Variants in SNAP23 observed in about 807,000 individuals in gnomAD.
SNAP23 encodes synaptosomal-associated protein 23.
SNAP23 carries 11 observed loss-of-function variants against 29.0 expected under a neutral mutation model. The ratio of observed to expected loss-of-function variants is 0.38; its 90% CI spans 0.24 to 0.63. The LOEUF (loss-of-function observed/expected upper bound fraction) is 0.63. SNAP23 is among the 20% of genes least tolerant of loss of function. The pLI is 0.58. For synonymous variants in SNAP23, 60 were observed against 82.9 expected, an observed-to-expected ratio of 0.72 and a Z score of 1.50; for missense variants, 220 against 253.9, an observed-to-expected ratio of 0.87 and a Z score of 0.91.
intron 5 of SNAP23, among the ~76,000 whole-genome samples, chr15:42,517,044 C>T (rs1344716976): frequency 6.6e-6 from 1 of 152,170 alleles, no homozygotes; most frequent in Non-Finnish European, 1.5e-5. Flanking sequence ...CTCAGCCTCC[C>T]AAGTAGCTGG....
In SNAP23 at chr15:42,511,844, A is replaced by G. The variant is rs377114237; in HGVS notation, c.-3A>G. Reference sequence around the variant, plus strand: ...TCTGTGCCTAATAGAGTTTTGATTCATCATGGATAATCTGTCATCAGAAGA... The same window carrying G: ...TCTGTGCCTAATAGAGTTTTGATTCGTCATGGATAATCTGTCATCAGAAGA... On this transcript the variant is annotated 5_prime_UTR_variant, in exon 2 of 8. Coordinates refer to ENST00000249647, the MANE Select transcript of SNAP23 (RefSeq NM_003825.4). 1 of 1,583,838 alleles carries G rather than the reference A, an allele frequency of 6.3e-7. No homozygotes were observed. The highest frequency in any genetic ancestry group is 8.6e-7 in the Non-Finnish European group (1 of 1,162,282).
intron 6 of SNAP23, among the ~76,000 whole-genome samples, chr15:42,528,676 C>G (rs1445779423): frequency 6.6e-6 from 1 of 152,140 alleles, no homozygotes; most frequent in Non-Finnish European, 1.5e-5. Flanking sequence ...ACCTCTGCCT[C>G]CCAGGTTCAA....
At chr15:42,527,559 T>C (rs1595530841) in intron 5 of SNAP23, among the ~76,000 whole-genome samples, 1 of 151,964 alleles carries the variant, frequency 6.6e-6, no homozygotes. Flanking sequence ...CTAATGTTTG[T>C]ATTTTTTTAT....
intron 1 of SNAP23, among the ~76,000 whole-genome samples, chr15:42,497,302 A>G (rs552137886): frequency 1.2e-4 from 17 of 143,386 alleles, no homozygotes; most frequent in South Asian, 6.5e-4. Flanking sequence ...TCCGCCTCCC[A>G]GGGTCAAGCA....
At chr15:42,504,760 C>T (rs1412947311) in intron 1 of SNAP23, among the ~76,000 whole-genome samples, 1 of 152,158 alleles carries the variant, frequency 6.6e-6, no homozygotes, top group East Asian at 1.9e-4. Context: ...TGGGGTCACA[C>T]AACAAATACA....
At chr15:42,528,531 T>A in intron 6 of SNAP23, 111 bp downstream of exon 6, 1 of 1,095,168 alleles carries the variant, frequency 9.1e-7, no homozygotes, top group Non-Finnish European at 1.3e-6. Flanking sequence ...TTGTATTTAT[T>A]CCATTTTTAA....
At chr15:42,511,636 T>G (rs2057358467) in intron 1 of SNAP23, among the ~76,000 whole-genome samples, 197 bp from the exon 2 acceptor site, 3 of 152,216 alleles carry the variant, frequency 2.0e-5, no homozygotes, top group Admixed American at 6.5e-5. Flanking sequence ...CTTGGCACTC[T>G]TATTAAACAT....
At chr15:42,506,907 C>G (rs2057321329) in intron 1 of SNAP23, among the ~76,000 whole-genome samples, 1 of 151,968 alleles carries the variant, frequency 6.6e-6, no homozygotes, top group South Asian at 2.1e-4. Context: ...TACCCTCTGC[C>G]TCCCAGGTTC....
At chr15:42,492,982 A>G (rs987176756), upstream of SNAP23, 1 of 152,274 alleles carries the variant, frequency 6.6e-6, no homozygotes, top group African/African-American at 2.4e-5. Flanking sequence ...TGGTTTCTCA[A>G]CTTTGGGATT....
At chr15:42,519,344 C>T (rs1412137223) in intron 5 of SNAP23, among the ~76,000 whole-genome samples, 2 of 151,196 alleles carry the variant, frequency 1.3e-5, no homozygotes, top group South Asian at 2.1e-4. Flanking sequence ...CATGAGCCAC[C>T]ATGCCTGACC....
Position 42,523,616 on chromosome 15 carries a change from G to A in SNAP23, c.267-4646G>A, listed in dbSNP as rs973186314. Reference sequence around the variant, plus strand: ...CCAGTGATTTACAAAGCAGTTTTATGTCTGTTATCAACAGAACATTTTACA... The same window carrying A: ...CCAGTGATTTACAAAGCAGTTTTATATCTGTTATCAACAGAACATTTTACA... On this transcript the variant is annotated intron_variant, in intron 5 of 7. Transcript: ENST00000249647. Among the ~76,000 whole-genome samples, 11 of 152,192 alleles carry A rather than the reference G, an allele frequency of 7.2e-5. No individual in the cohort carries two copies. In the East Asian group the frequency reaches 2.1e-3, roughly 29 times the overall value.
At chr15:42,528,501 C>CAAATAAAACAAATAAAA (rs2057528671) in intron 6 of SNAP23, 81 bp downstream of exon 6, 2 of 1,252,432 alleles carry the variant, frequency 1.6e-6, no homozygotes, top group East Asian at 4.7e-5. Context: ...GTACATGACC[C>CAAATAAAACAAATAAAA]CTAATAAAAC....
chr15:42,503,295 G>A lies in SNAP23; in HGVS notation c.-15+7582G>A, dbSNP rs1042066520. On this transcript the variant is annotated intron_variant, in intron 1 of 7. Coordinates refer to ENST00000249647, the MANE Select transcript of SNAP23 (RefSeq NM_003825.4). Reference sequence around the variant, plus strand: ...CGGCTAACTGCAACCTCCGCCTCCCGGGTTCAAGTGATTCTCCTGCCTTAG... The same window carrying A: ...CGGCTAACTGCAACCTCCGCCTCCCAGGTTCAAGTGATTCTCCTGCCTTAG... 3.9e-5 allele frequency among the ~76,000 whole-genome samples: 6 copies of A among 152,086 alleles called. No individual in the cohort carries two copies. In the East Asian group the frequency reaches 5.8e-4, roughly 15 times the overall value.
At chr15:42,496,826 A>T (rs2057223496) in intron 1 of SNAP23, among the ~76,000 whole-genome samples, 1 of 152,128 alleles carries the variant, frequency 6.6e-6, no homozygotes, top group Admixed American at 6.6e-5. Flanking sequence ...GGAAACTTAT[A>T]ATCATGGTGG....
At chr15:42,502,216 C>T (rs1264615196) in intron 1 of SNAP23, among the ~76,000 whole-genome samples, 1 of 151,506 alleles carries the variant, frequency 6.6e-6, no homozygotes, top group African/African-American at 2.4e-5. Context: ...TTAGTAGAGA[C>T]GGTTTCACCT....
chr15:42,494,538 G>T (rs1375918995), upstream of SNAP23, among the ~76,000 whole-genome samples: 4 of 149,640 alleles, frequency 2.7e-5, no homozygotes, highest in South Asian at 8.5e-4. Context: ...TAGGGGGGAC[G>T]GAATTTCACT....
chr15:42,514,323 G>A lies in SNAP23; in HGVS notation c.148+876G>A, dbSNP rs573460825. 8.6e-5 allele frequency among the ~76,000 whole-genome samples: 13 copies of A among 151,832 alleles called. No individual in the cohort carries two copies. In the South Asian group the frequency reaches 2.3e-3, roughly 27 times the overall value. On this transcript the variant is annotated intron_variant, in intron 4 of 7. Coordinates refer to ENST00000249647, the MANE Select transcript of SNAP23 (RefSeq NM_003825.4). ...ACCCAGCTAATTTTTTGTGTTTTTA[G>A]TAGAGATAGGGTTTCACCATGTTGG... is the stretch of plus-strand genomic sequence containing the variant.
chr15:42,525,678 G>A (rs1172898965), intron 5 of SNAP23, among the ~76,000 whole-genome samples: 1 of 151,260 alleles, frequency 6.6e-6, no homozygotes, highest in Non-Finnish European at 1.5e-5. Flanking sequence ...TGGCCAGGCT[G>A]GTCTCGAACT....
At chr15:42,526,542 C>A (rs528221242) in intron 5 of SNAP23, among the ~76,000 whole-genome samples, 16 of 152,256 alleles carry the variant, frequency 1.1e-4, no homozygotes, top group Middle Eastern at 3.4e-3. Flanking sequence ...AAAATGAATC[C>A]TCACATGCCT....
Sources: allele counts gnomAD v4.1 joint callset (sites outside exome capture counted in the v4.1 genomes callset), GRCh38; gene constraint gnomAD v4.1.1; transcripts MANE v1.5; gene names NCBI Gene and HGNC (gene_info 2026-07-23, HGNC 2026-07-21).